The following TYW3 variants were observed in gnomAD, a reference collection of about 807,000 sequenced individuals.
The protein encoded by TYW3 is tRNA wybutosine-synthesizing protein 3 homolog.
In TYW3, 26 loss-of-function variants were observed where a neutral mutation model predicts 23.1. The observed-to-expected ratio is 1.13, with a 90% CI of 0.83 to 1.56. TYW3 has a LOEUF of 1.56. TYW3 is among the 40% of genes most tolerant of loss of function. The pLI, the probability that TYW3 is intolerant of heterozygous loss-of-function variation, is 0.00. For synonymous variants in TYW3, 102 were observed against 105.7 expected (o/e 0.97, Z 0.21); for missense variants, 316 against 311.9 (o/e 1.01, Z -0.10).
At chr1:74,754,298 C>T (rs1488253197) in intron 5 of TYW3, among the ~76,000 whole-genome samples, 1 of 152,136 alleles carries the variant, frequency 6.6e-6, no homozygotes, top group Non-Finnish European at 1.5e-5. Context: ...TGCTTAAATC[C>T]ATTGACTCAA....
chr1:74,741,416 G>T (rs1278008192), intron 3 of TYW3, among the ~76,000 whole-genome samples: 1 of 148,700 alleles, frequency 6.7e-6, no homozygotes, highest in African/African-American at 2.5e-5. Context: ...TTCCTCCGGG[G>T]GTGTCCAAAA....
intron 4 of TYW3, among the ~76,000 whole-genome samples, chr1:74,750,596 A>G (rs1648748262): frequency 6.6e-6 from 1 of 152,088 alleles, no homozygotes; most frequent in Non-Finnish European, 1.5e-5. Context: ...CAGGGCCTCC[A>G]AACATTTTCT....
chr1:74,748,523 TTTACTC>T (rs1648666755), intron 3 of TYW3: 2 of 464,356 alleles, frequency 4.3e-6, no homozygotes, highest in Middle Eastern at 5.6e-4. Flanking sequence ...GAATTCTACT[TTTACTC>T]TTTCTCAATG....
chr1:74,762,233 A>G (rs992727607), intron 5 of TYW3, among the ~76,000 whole-genome samples: 1 of 152,268 alleles, frequency 6.6e-6, no homozygotes, highest in East Asian at 1.9e-4. Context: ...ATTTAGGAAT[A>G]TGTGGATATT....
Position 74,763,942 on chromosome 1 carries a change from C to T in TYW3, c.609C>T (p.Asn203=). The T allele has an allele frequency of 1.9e-6, 3 of 1,607,438 alleles. No homozygotes were observed. The highest frequency in any genetic ancestry group is 2.5e-6 in the Non-Finnish European group (3 of 1,178,352). Residue 203 remains asparagine, a synonymous_variant, in exon 6 of 6, where the codon AAC becomes AAT. Transcript: ENST00000370867. The stretch of plus-strand genomic sequence containing the variant: ...CTTTGGAAAGGGAAACGATGACTAA[C>T]TTACATCCCAAGATCAAAGAGAAAA... ...QHALERETMT[N]LHPKIKEKNN...
At chr1:74,763,804 C>G (rs566939330) in intron 5 of TYW3, 90 bp from the exon 6 acceptor site, 391 of 972,298 alleles carry the variant, frequency 4.0e-4, no homozygotes, top group Middle Eastern at 3.1e-3. Context: ...GGGACATAGT[C>G]AAATTTACAT....
intron 3 of TYW3, among the ~76,000 whole-genome samples, chr1:74,746,899 A>G (rs1338814788): frequency 6.6e-6 from 1 of 152,242 alleles, no homozygotes; most frequent in African/African-American, 2.4e-5. Flanking sequence ...ATGAATGACA[A>G]GAAACCAGCC....
chr1:74,735,295 A>G (rs1648111420), intron 1 of TYW3, among the ~76,000 whole-genome samples: 1 of 151,700 alleles, frequency 6.6e-6, no homozygotes, highest in African/African-American at 2.4e-5. Flanking sequence ...TGTTCTTTTC[A>G]TCTTGTATTT....
intron 3 of TYW3, among the ~76,000 whole-genome samples, chr1:74,743,347 T>C (rs1303031535): frequency 1.3e-5 from 2 of 152,110 alleles, no homozygotes; most frequent in African/African-American, 2.4e-5. Flanking sequence ...GTCTCTATTA[T>C]AGAACACCAA....
At position 74,733,282 on chromosome 1, in the gene TYW3, A is replaced by G; in HGVS notation, c.38A>G (p.Gln13Arg). ...RSAEFRKWKA[Q>R]CLSKADLSRK... ...GCGGAGTTCAGGAAATGGAAGGCGC[A>G]ATGTTTGAGCAAAGCGGACCTCAGC... Residue 13 changes from glutamine to arginine, a missense_variant, in exon 1 of 6, where the codon CAA becomes CGA. Coordinates refer to ENST00000370867, the MANE Select transcript of TYW3 (RefSeq NM_138467.3). The G allele has an allele frequency of 6.2e-7, 1 of 1,614,120 alleles. No individual in the cohort carries two copies. The highest frequency in any genetic ancestry group is 8.5e-7 in the Non-Finnish European group (1 of 1,180,012).
chr1:74,743,125 A>T (rs1344541440), intron 3 of TYW3, among the ~76,000 whole-genome samples: 1 of 152,198 alleles, frequency 6.6e-6, no homozygotes, highest in East Asian at 1.9e-4. Flanking sequence ...GCCCTGGCAT[A>T]GCAGACATGG....
At chr1:74,742,079 T>C (rs894686731) in intron 3 of TYW3, among the ~76,000 whole-genome samples, 3 of 152,256 alleles carry the variant, frequency 2.0e-5, no homozygotes, top group African/African-American at 7.2e-5. Context: ...GGAAAGCTTC[T>C]ATCCAATTTG....
rs1203067624 is a variant in TYW3 at position 74,765,293 on chromosome 1, A to G, written c.*1180A>G. ...TACCTGTGCCAGGGATTTCATGTGT[A>G]CACTTTATAGGAGAATAAGCAAGAG... is the stretch of plus-strand genomic sequence containing the variant. On this transcript the variant is annotated 3_prime_UTR_variant, in exon 6 of 6. Coordinates refer to ENST00000370867, the MANE Select transcript of TYW3 (RefSeq NM_138467.3). 1 of 152,184 alleles carries G rather than the reference A, an allele frequency of 6.6e-6. No homozygotes were observed. Among genetic ancestry groups the G allele is most frequent in the Non-Finnish European group, 1.5e-5 (1 of 68,030 alleles). 9.4% of individuals were successfully genotyped at this position (152,184 alleles called of 1,614,324 possible). A position where few individuals can be genotyped will look rare whatever the true frequency, so the allele number is the denominator to read the frequency against.
chr1:74,737,384 G>A (rs1648188044), intron 2 of TYW3, among the ~76,000 whole-genome samples: 1 of 152,200 alleles, frequency 6.6e-6, no homozygotes, highest in Non-Finnish European at 1.5e-5. Context: ...TGCAATTCAT[G>A]TGTCCATCTT....
At chr1:74,752,519 G>C in intron 5 of TYW3, 94 bp downstream of exon 5, 1 of 1,069,234 alleles carries the variant, frequency 9.4e-7, no homozygotes, top group Non-Finnish European at 1.3e-6. Context: ...AATGCCAACT[G>C]CTTATCTATT....
At chr1:74,741,400 C>T (rs1197133709) in intron 3 of TYW3, among the ~76,000 whole-genome samples, 4 of 151,984 alleles carry the variant, frequency 2.6e-5, no homozygotes, top group Non-Finnish European at 4.4e-5. Flanking sequence ...CTGATGGTCC[C>T]GCAGGTTCCT....
chr1:74,759,890 C>T (rs1277349555), intron 5 of TYW3, among the ~76,000 whole-genome samples: 8 of 152,138 alleles, frequency 5.3e-5, no homozygotes, highest in African/African-American at 9.7e-5. Context: ...AGTGATTGCC[C>T]GCCTTGGCCT....
intron 5 of TYW3, 77 bp from the exon 6 acceptor site, chr1:74,763,817 C>T (rs552745357): frequency 8.9e-7 from 1 of 1,128,458 alleles, no homozygotes; most frequent in Non-Finnish European, 1.3e-6. Context: ...ATTTACATAA[C>T]TTATAAGCTC....
intron 2 of TYW3, 57 bp downstream of exon 2, chr1:74,736,679 C>T: frequency 7.5e-7 from 1 of 1,334,588 alleles, no homozygotes; most frequent in Non-Finnish European, 1.0e-6. Context: ...ACTTTAAATA[C>T]ATATGACAAG....
Sources: allele counts gnomAD v4.1 joint callset (sites outside exome capture counted in the v4.1 genomes callset), GRCh38; gene constraint gnomAD v4.1.1; transcripts MANE v1.5; gene names NCBI Gene and HGNC (gene_info 2026-07-23, HGNC 2026-07-21).